Variants in NUP205 observed in about 807,000 individuals in gnomAD.
NUP205 encodes the protein nuclear pore complex protein Nup205.
A neutral mutation model predicts 253.8 loss-of-function variants in NUP205; 76 were observed. That is an observed-to-expected ratio of 0.30 (90% CI 0.25 to 0.36). The LOEUF (loss-of-function observed/expected upper bound fraction) is 0.36, where lower values mean the gene tolerates loss of function less well. NUP205 is among the 10% of genes least tolerant of loss of function. The pLI, the probability that NUP205 is intolerant of heterozygous loss-of-function variation, is 1.00. For synonymous variants in NUP205, 832 were observed against 850.1 expected, an observed-to-expected ratio of 0.98 and a Z score of 0.37; for missense variants, 2,162 against 2,425.5, an observed-to-expected ratio of 0.89 and a Z score of 2.28.
At chr7:135,589,750 G>A (rs1258023417) in intron 10 of NUP205, among the ~76,000 whole-genome samples, 1 of 151,164 alleles carries the variant, frequency 6.6e-6, no homozygotes, top group Non-Finnish European at 1.5e-5. Flanking sequence ...GAGCAACATG[G>A]TGAACCCTGT....
At chr7:135,630,000 T>G (rs976576246) in intron 34 of NUP205, among the ~76,000 whole-genome samples, 1 of 152,150 alleles carries the variant, frequency 6.6e-6, no homozygotes, top group Non-Finnish European at 1.5e-5. Context: ...GGCCAAACAA[T>G]AAAGAAAATA....
rs1216910226 is a variant in NUP205, at chr7:135,625,102, G to A, written c.4480-62G>A. On this transcript the variant is annotated intron_variant, in intron 31 of 42. Coordinates refer to ENST00000285968, the MANE Select transcript of NUP205 (RefSeq NM_015135.3). ...TCATATCTGATGTCAGATAAATTCAGTTACTGTTGTTGATTTTGGTAGCAT... is the reference window on the plus strand; with the variant it reads ...TCATATCTGATGTCAGATAAATTCAATTACTGTTGTTGATTTTGGTAGCAT... 6 of 1,233,520 alleles carry A rather than the reference G, an allele frequency of 4.9e-6. No individual in the cohort carries two copies. In the East Asian group the frequency reaches 1.2e-4, roughly 25 times the overall value. 76.4% of individuals were successfully genotyped at this position (1,233,520 alleles called of 1,614,324 possible). A position where few individuals can be genotyped will look rare whatever the true frequency, so the allele number is the denominator to read the frequency against.
At chr7:135,609,014 G>A (rs1794159207) in intron 22 of NUP205, among the ~76,000 whole-genome samples, 2 of 145,912 alleles carry the variant, frequency 1.4e-5, no homozygotes, top group South Asian at 4.4e-4. Context: ...TGAGGCAGGA[G>A]AATTGCTTCT....
At chr7:135,618,044 G>C (rs1043686680) in intron 27 of NUP205, among the ~76,000 whole-genome samples, 6 of 151,694 alleles carry the variant, frequency 4.0e-5, no homozygotes, top group Non-Finnish European at 8.8e-5. Flanking sequence ...AGCCGGCCAG[G>C]CCAAAGCAAG....
chr7:135,567,128 G>GTATATA (rs1163648935), intron 1 of NUP205, among the ~76,000 whole-genome samples: 15 of 7,198 alleles, frequency 2.1e-3, no homozygotes, highest in Admixed American at 6.9e-3. Flanking sequence ...GTCTATGTGT[G>GTATATA]TATATATATA....
intron 20 of NUP205, among the ~76,000 whole-genome samples, chr7:135,606,434 T>C (rs1794087616): frequency 6.6e-6 from 1 of 152,202 alleles, no homozygotes; most frequent in Non-Finnish European, 1.5e-5. Context: ...GAAATGCTCA[T>C]TGGTTCATTT....
intron 23 of NUP205, among the ~76,000 whole-genome samples, chr7:135,615,187 A>G (rs1170219868): frequency 3.9e-5 from 6 of 152,172 alleles, no homozygotes; most frequent in Admixed American, 3.3e-4. Flanking sequence ...TAGTATTGTT[A>G]TATGGTTAAT....
In NUP205 at chr7:135,624,293, C is replaced by G. The variant is rs190459720; in HGVS notation, c.4480-871C>G. ...CTCGGCTCACTGCAACCTCTGCCTC[C>G]CAGGTTCAAGCAATTCTCCTGCCTC... On this transcript the variant is annotated intron_variant, in intron 31 of 42. Coordinates refer to ENST00000285968, the MANE Select transcript of NUP205 (RefSeq NM_015135.3). Among the ~76,000 whole-genome samples the G allele has an allele frequency of 2.4e-3, 366 of 152,052 alleles. 2 individuals carry two copies. The highest frequency in any genetic ancestry group is 8.2e-3 in the African/African-American group (342 of 41,468).
At position 135,590,235 on chromosome 7, in the gene NUP205, C is replaced by T. The variant is rs533024680; in HGVS notation, c.1474-1215C>T. On this transcript the variant is annotated intron_variant, in intron 10 of 42. Coordinates refer to ENST00000285968, the MANE Select transcript of NUP205 (RefSeq NM_015135.3). ...TAAGTGATTCTACCGCCTCAGCCTCCCAAGGAGCTGGGATTACAGGCACCC... is the reference window on the plus strand; with the variant it reads ...TAAGTGATTCTACCGCCTCAGCCTCTCAAGGAGCTGGGATTACAGGCACCC... 4.1e-4 allele frequency among the ~76,000 whole-genome samples: 62 copies of T among 150,618 alleles called. No individual in the cohort carries two copies. In the East Asian group the frequency reaches 9.2e-3, roughly 22 times the overall value.
intron 34 of NUP205, among the ~76,000 whole-genome samples, chr7:135,628,822 T>C (rs75432848): frequency 0.068 from 10,284 of 152,318 alleles, 431 homozygotes; most frequent in East Asian, 0.14. Flanking sequence ...TTAGGCCATC[T>C]CACCAAGGTA....
At chr7:135,639,080 G>A (rs367753122) in intron 38 of NUP205, among the ~76,000 whole-genome samples, 3 of 152,068 alleles carry the variant, frequency 2.0e-5, no homozygotes, top group East Asian at 1.9e-4. Flanking sequence ...ATAACATAAC[G>A]AAATACAATT....
intron 15 of NUP205, among the ~76,000 whole-genome samples, chr7:135,600,317 T>C (rs1427507514): frequency 2.0e-5 from 3 of 152,242 alleles, no homozygotes; most frequent in Admixed American, 2.0e-4. Context: ...TTGTGTCTTC[T>C]TAACCTTCTT....
chr7:135,590,392 G>T (rs1262013583), intron 10 of NUP205, among the ~76,000 whole-genome samples: 1 of 152,088 alleles, frequency 6.6e-6, no homozygotes, highest in Non-Finnish European at 1.5e-5. Flanking sequence ...GCGATTACAG[G>T]CGTGAGCCAC....
chr7:135,590,303 G>A (rs548838959), intron 10 of NUP205, among the ~76,000 whole-genome samples: 27 of 142,996 alleles, frequency 1.9e-4, no homozygotes, highest in Admixed American at 6.2e-4. Context: ...TAGTTGAGAC[G>A]GGTTTTCACC....
At chr7:135,565,652 G>A (rs1219940849) in intron 1 of NUP205, among the ~76,000 whole-genome samples, 2 of 151,882 alleles carry the variant, frequency 1.3e-5, no homozygotes, top group South Asian at 2.1e-4. Flanking sequence ...GGCTGGTCTC[G>A]AACTCCCGAC....
chr7:135,615,737 T>TTCCTGGTATCTTTTTTTTCCTC (rs1455561477), intron 23 of NUP205, among the ~76,000 whole-genome samples, 179 bp from the exon 24 acceptor site: 2 of 152,212 alleles, frequency 1.3e-5, no homozygotes, highest in Non-Finnish European at 2.9e-5. Flanking sequence ...ATTTTTTTCT[T>TTCCTGGTATCTTTTTTTTCCTC]TCTTGGTATC....
At chr7:135,569,859 T>TG (rs964253945) in intron 1 of NUP205, among the ~76,000 whole-genome samples, 1 of 152,048 alleles carries the variant, frequency 6.6e-6, no homozygotes, top group Non-Finnish European at 1.5e-5. Flanking sequence ...TTATAAATTC[T>TG]GAGTTATTTC....
At chr7:135,563,432 C>T (rs1286319516) in intron 1 of NUP205, among the ~76,000 whole-genome samples, 4 of 152,040 alleles carry the variant, frequency 2.6e-5, no homozygotes, top group Non-Finnish European at 5.9e-5. Context: ...CGTGATGTGG[C>T]CCGCCTTGGC....
intron 1 of NUP205, among the ~76,000 whole-genome samples, chr7:135,570,714 A>AT (rs1248382595): frequency 1.6e-4 from 7 of 42,568 alleles, no homozygotes; most frequent in African/African-American, 6.6e-4. Context: ...ATATTAATAT[A>AT]ATTAATTATA....
Sources: gnomAD v4.1 joint callset for allele counts (sites outside exome capture counted in the v4.1 genomes callset) on GRCh38, gnomAD v4.1.1 for gene constraint, MANE v1.5 for transcripts, NCBI Gene and HGNC (gene_info 2026-07-23, HGNC 2026-07-21) for gene names.